The following SGK1 variants were observed in gnomAD, a reference collection of about 807,000 sequenced individuals.
SGK1 encodes the protein serum/glucocorticoid regulated kinase 1.
A neutral mutation model predicts 64.2 loss-of-function variants in SGK1; 26 were observed. The ratio of observed to expected loss-of-function variants is 0.40; its 90% confidence interval spans 0.30 to 0.56. SGK1 has a LOEUF of 0.56. Among genes scored for constraint, SGK1 ranks in the 20% least tolerant of loss-of-function variants. The probability of loss-of-function intolerance (pLI) is 0.38; values close to 1 mark genes in which losing one functional copy is unlikely to be tolerated. For synonymous variants in SGK1, 265 were observed against 239.7 expected (o/e 1.11, Z -0.98); for missense variants, 519 against 645.6 (o/e 0.80, Z 2.12).
intron 1 of SGK1, chr6:134,297,064 C>A: frequency 2.1e-6 from 1 of 471,206 alleles, no homozygotes; most frequent in South Asian, 1.8e-5. Context: ...TTCTTCACAA[C>A]CACAGCCCTG....
intron 2 of SGK1, among the ~76,000 whole-genome samples, chr6:134,213,514 T>C (rs1775924921): frequency 6.6e-6 from 1 of 150,716 alleles, no homozygotes; most frequent in Non-Finnish European, 1.5e-5. Flanking sequence ...AGAGCAAAAC[T>C]CTGTCTCAAA....
At chr6:134,175,852 A>T in intron 3 of SGK1, 1 of 1,224,208 alleles carries the variant, frequency 8.2e-7, no homozygotes. Context: ...AAACCAAGCA[A>T]GGCTGAAAAA....
chr6:134,206,464 C>A (rs1775787652), intron 3 of SGK1, among the ~76,000 whole-genome samples: 1 of 142,548 alleles, frequency 7.0e-6, no homozygotes. Context: ...AGGCATATCT[C>A]ACACAGGAAC....
At position 134,170,355 on chromosome 6, in the gene SGK1, G is replaced by T. The variant is rs1340012954; in HGVS notation, c.1494C>A (p.Asp498Glu). ...TGACGCTGGCTGTGACGAGGACGCT[G>T]TCAGGGGACTTGCCAATGGAGTTGG... is the stretch of plus-strand genomic sequence containing the variant. ...PVPNSIGKSP[D>E]SVLVTASVKE... Residue 498 changes from aspartate (D) to glutamate (E), a missense_variant, in exon 14 of 14, where the codon GAC becomes GAA. By Grantham distance (45) the Asp-to-Glu change is conservative (BLOSUM62 2). Around this residue, in one of 2 missense-constraint regions of SGK1, gnomAD observed 278 missense variants for 408.7 expected, o/e 0.68. Transcript: ENST00000367858. The T allele has an allele frequency of 6.2e-7, 1 of 1,614,062 alleles. No individual in the cohort carries two copies. The highest frequency in any genetic ancestry group is 1.3e-5 in the African/African-American group (1 of 74,932).
intron 3 of SGK1, 168 bp from the exon 4 acceptor site, chr6:134,174,754 C>G: frequency 6.2e-7 from 1 of 1,614,194 alleles, no homozygotes; most frequent in Non-Finnish European, 8.5e-7. Context: ...CCACCATGCC[C>G]CTCATCCTGG....
chr6:134,171,786 C>A (rs1562236668), intron 10 of SGK1, 54 bp from the exon 11 acceptor site: 1 of 1,133,588 alleles, frequency 8.8e-7, no homozygotes, highest in Non-Finnish European at 1.3e-6. Flanking sequence ...CAAGCAATCC[C>A]ACGACCACAC....
intron 1 of SGK1, among the ~76,000 whole-genome samples, chr6:134,276,899 A>T (rs117065447): frequency 2.6e-3 from 390 of 152,146 alleles, no homozygotes; most frequent in Non-Finnish European, 4.0e-3. Flanking sequence ...AAAAAATACA[A>T]ATTAGCCAAG....
rs559667523 is a variant in SGK1, at chr6:134,192,761, A to C, written c.361+14595T>G. Among the ~76,000 whole-genome samples, 205 of 151,982 alleles carry C rather than the reference A, an allele frequency of 1.3e-3. 1 individual carries two copies. The highest frequency in any genetic ancestry group is 4.8e-3 in the African/African-American group (197 of 41,450). On this transcript the variant is annotated intron_variant, in intron 3 of 13. Coordinates refer to ENST00000367858, the MANE Select transcript of SGK1 (RefSeq NM_001143676.3). ...ATTTTTGTACTGTTGTATTTTCACC[A>C]TGTTGGCCAGGCTGGTCTGAAACTC...
At chr6:134,204,554 C>CTT (rs34485870) in intron 3 of SGK1, among the ~76,000 whole-genome samples, 228 of 128,208 alleles carry the variant, frequency 1.8e-3, no homozygotes, top group African/African-American at 6.1e-3. Context: ...TTTCTTGTAA[C>CTT]TTTTTTTTTT....
chr6:134,298,314 C>A (rs1228148674), intron 1 of SGK1: 19 of 1,571,594 alleles, frequency 1.2e-5, no homozygotes, highest in Non-Finnish European at 1.6e-5. Flanking sequence ...CTGTCTTCTG[C>A]TGCTGCAGGA....
intron 1 of SGK1, among the ~76,000 whole-genome samples, chr6:134,268,875 G>A (rs1776898033): frequency 6.9e-6 from 1 of 145,186 alleles, no homozygotes; most frequent in South Asian, 2.3e-4. Context: ...GTGAACAGTG[G>A]GTAAACAAAA....
intron 3 of SGK1, among the ~76,000 whole-genome samples, chr6:134,192,698 T>A (rs1775534948): frequency 6.6e-6 from 1 of 150,456 alleles, no homozygotes. Context: ...GCCTCCCGAG[T>A]AGCTGGGATT....
At chr6:134,245,771 G>A (rs1013278138) in intron 2 of SGK1, among the ~76,000 whole-genome samples, 1 of 152,128 alleles carries the variant, frequency 6.6e-6, no homozygotes, top group African/African-American at 2.4e-5. Flanking sequence ...CAAGTGGATA[G>A]CTTGAGCCCA....
chr6:134,215,147 T>TTTTTA (rs1775958844), intron 2 of SGK1: 1 of 428,024 alleles, frequency 2.3e-6, no homozygotes, highest in African/African-American at 2.1e-5. Context: ...TTTTTTTTTT[T>TTTTTA]GAGAGAGCTT....
At chr6:134,237,160 T>A (rs929551960) in intron 2 of SGK1, among the ~76,000 whole-genome samples, 3 of 151,206 alleles carry the variant, frequency 2.0e-5, no homozygotes, top group Middle Eastern at 3.4e-3. Flanking sequence ...GCTCAAGCGA[T>A]CCTCCTACCT....
intron 1 of SGK1, among the ~76,000 whole-genome samples, chr6:134,301,566 C>CTCTTA (rs1268508622): frequency 6.7e-6 from 1 of 149,616 alleles, no homozygotes; most frequent in Non-Finnish European, 1.5e-5. Context: ...CTCTTCTCTT[C>CTCTTA]TCTTCTCTTC....
rs772928486 is a variant in SGK1, at chr6:134,171,642, C to T, written c.1162G>A (p.Gly388Ser). 44 of 1,611,202 alleles carry T rather than the reference C, an allele frequency of 2.7e-5. No homozygotes were observed. The highest frequency in any genetic ancestry group is 3.7e-5 in the Non-Finnish European group (43 of 1,177,478). The change falls in exon 11 of 14, where the codon GGC becomes AGC. Residue 388 changes from glycine to serine, a missense_variant. Transcript: ENST00000367858. The stretch of plus-strand genomic sequence containing the variant: ...GTTCCCAATGTGCCACTCACCAGGC[C>T]ATACAGCATCTCATACAAGACAGCT... ...LGAVLYEMLY[G>S]LPPFYSRNTA...
chr6:134,242,018 G>A (rs17063563), intron 2 of SGK1, among the ~76,000 whole-genome samples: 31,962 of 152,048 alleles, frequency 0.21, 3,647 homozygotes, highest in East Asian at 0.29. Flanking sequence ...TTTACTGTCA[G>A]GAGTCCCAGA....
At chr6:134,290,415 T>C (rs1298326413) in intron 1 of SGK1, among the ~76,000 whole-genome samples, 3 of 150,434 alleles carry the variant, frequency 2.0e-5, no homozygotes, top group Non-Finnish European at 1.5e-5. Context: ...TCAATAAATC[T>C]GTGATTTTCT....
Sources: allele counts gnomAD v4.1 joint callset (sites outside exome capture counted in the v4.1 genomes callset), GRCh38; gene constraint gnomAD v4.1.1; regional missense constraint gnomAD v4.1.1; transcripts MANE v1.5; gene names NCBI Gene and HGNC (gene_info 2026-07-23, HGNC 2026-07-21).